The following GPHN variants were observed in gnomAD, a reference collection of about 807,000 sequenced individuals.
GPHN encodes the protein gephyrin.
Under a neutral mutation model 95.5 loss-of-function variants are expected in GPHN, and 17 were observed. The observed-to-expected ratio is 0.18, with a 90% CI of 0.12 to 0.27. GPHN has a LOEUF of 0.27. Among genes scored for constraint, GPHN ranks in the 10% least tolerant of loss-of-function variants. The probability of loss-of-function intolerance (pLI) is 1.00; values close to 1 mark genes in which losing one functional copy is unlikely to be tolerated. For synonymous variants in GPHN, 320 were observed against 322.5 expected, an observed-to-expected ratio of 0.99 and a Z score of 0.08; for missense variants, 660 against 978.1, an observed-to-expected ratio of 0.67 and a Z score of 4.34.
chr14:66,912,344 G>T (rs917318405), intron 5 of GPHN, among the ~76,000 whole-genome samples: 1 of 151,858 alleles, frequency 6.6e-6, no homozygotes, highest in African/African-American at 2.4e-5. Context: ...CTTCCTTATA[G>T]AAGCCTTCTC....
chr14:67,150,436 G>A (rs1441581819), intron 18 of GPHN, among the ~76,000 whole-genome samples: 5 of 83,844 alleles, frequency 6.0e-5, no homozygotes, highest in Non-Finnish European at 1.0e-4. Flanking sequence ...GCGAGACTCC[G>A]TCTCAAAAAA....
the GPHN span, chr14:67,223,638 T>TG: frequency 6.5e-6 from 5 of 771,790 alleles, no homozygotes; most frequent in Non-Finnish European, 7.9e-6. Flanking sequence ...ACTTACAAAA[T>TG]GGGCATGTCG....
the GPHN span, among the ~76,000 whole-genome samples, chr14:67,455,622 G>A: frequency 6.6e-6 from 1 of 152,212 alleles, no homozygotes; most frequent in African/African-American, 2.4e-5. Context: ...ACATGTGCAT[G>A]TTAATCCTGA....
the GPHN span, among the ~76,000 whole-genome samples, chr14:67,498,832 A>AT: frequency 2.0e-5 from 3 of 151,506 alleles, no homozygotes; most frequent in African/African-American, 4.8e-5. Flanking sequence ...TGCCTGATTA[A>AT]TTTTTTTTGT....
intron 1 of GPHN, among the ~76,000 whole-genome samples, chr14:66,654,519 G>C (rs1791805376): frequency 6.6e-6 from 1 of 151,896 alleles, no homozygotes; most frequent in Admixed American, 6.6e-5. Flanking sequence ...TTTTGTTATT[G>C]TCATGTTCGA....
At chr14:67,009,910 C>A (rs745616268) in intron 9 of GPHN, among the ~76,000 whole-genome samples, 1 of 151,778 alleles carries the variant, frequency 6.6e-6, no homozygotes, top group Non-Finnish European at 1.5e-5. Context: ...AGGCGCACAC[C>A]ACTGTATCTG....
chr14:66,545,988 G>C (rs183544181), intron 1 of GPHN, among the ~76,000 whole-genome samples: 31 of 151,104 alleles, frequency 2.1e-4, no homozygotes, highest in Admixed American at 5.9e-4. Context: ...GCGGCTTCGG[G>C]GGGGAGGGGC....
At chr14:67,623,686 T>C in the GPHN span, among the ~76,000 whole-genome samples, 1 of 151,846 alleles carries the variant, frequency 6.6e-6, no homozygotes, top group Admixed American at 6.6e-5. Flanking sequence ...GGATTACAGG[T>C]GCCTGCCACT....
intron 5 of GPHN, among the ~76,000 whole-genome samples, chr14:66,895,071 C>A (rs1045740763): frequency 6.6e-6 from 1 of 152,088 alleles, no homozygotes; most frequent in Non-Finnish European, 1.5e-5. Flanking sequence ...ATGTTTATTG[C>A]GGCACTATTC....
At chr14:67,046,913 T>C (rs1045375142) in intron 10 of GPHN, among the ~76,000 whole-genome samples, 1 of 152,180 alleles carries the variant, frequency 6.6e-6, no homozygotes. Flanking sequence ...TGAACACACA[T>C]TCTTTAAATT....
At chr14:67,328,333 G>A in the GPHN span, among the ~76,000 whole-genome samples, 1 of 152,274 alleles carries the variant, frequency 6.6e-6, no homozygotes, top group South Asian at 2.1e-4. Flanking sequence ...GGGATTGTTT[G>A]ATTTTTTCTT....
intron 3 of GPHN, among the ~76,000 whole-genome samples, chr14:66,793,238 T>C (rs1043744586): frequency 6.6e-6 from 1 of 152,270 alleles, no homozygotes; most frequent in Non-Finnish European, 1.5e-5. Context: ...TAAGTGCATA[T>C]TTCTTGTCCT....
the GPHN span, among the ~76,000 whole-genome samples, chr14:67,501,661 G>A: frequency 6.6e-6 from 1 of 152,226 alleles, no homozygotes; most frequent in Non-Finnish European, 1.5e-5. Context: ...TATGTTTGAA[G>A]AGCCCAAAGA....
intron 8 of GPHN, among the ~76,000 whole-genome samples, chr14:66,936,129 A>G (rs966551682): frequency 1.3e-5 from 2 of 152,352 alleles, no homozygotes; most frequent in African/African-American, 4.8e-5. Flanking sequence ...CTGTAATCCC[A>G]GCACTTTGGA....
At chr14:66,813,574 C>T (rs926956875) in intron 3 of GPHN, among the ~76,000 whole-genome samples, 2 of 152,242 alleles carry the variant, frequency 1.3e-5, no homozygotes, top group Admixed American at 6.5e-5. Flanking sequence ...CCACCACAGA[C>T]ACGTGAGGTG....
chr14:66,940,822 T>C (rs2067386381), intron 8 of GPHN, among the ~76,000 whole-genome samples: 1 of 152,190 alleles, frequency 6.6e-6, no homozygotes, highest in Non-Finnish European at 1.5e-5. Context: ...ATGGACTCCT[T>C]ATCATAAGCT....
At chr14:67,623,624 C>A in the GPHN span, among the ~76,000 whole-genome samples, 7,175 of 150,106 alleles carry the variant, frequency 0.048, 528 homozygotes, top group African/African-American at 0.16. Context: ...TCACTGCAAC[C>A]TCCGCCTCCC....
chr14:67,185,609 T>C (rs1215744244), downstream of GPHN, among the ~76,000 whole-genome samples: 2 of 152,196 alleles, frequency 1.3e-5, no homozygotes, highest in African/African-American at 4.8e-5. Flanking sequence ...GCAGTTCCTT[T>C]TAACCAGATT....
At chr14:66,681,417 A>C (rs8005352) in intron 2 of GPHN, among the ~76,000 whole-genome samples, 1 of 151,982 alleles carries the variant, frequency 6.6e-6, no homozygotes, top group South Asian at 2.1e-4. Context: ...CTGATGGCTG[A>C]TGATATCTTG....
Sources: gnomAD v4.1 joint callset for allele counts (sites outside exome capture counted in the v4.1 genomes callset) on GRCh38, gnomAD v4.1.1 for gene constraint, MANE v1.5 for transcripts, NCBI Gene and HGNC (gene_info 2026-07-23, HGNC 2026-07-21) for gene names.